The following SLC6A9 variants were observed in gnomAD, a reference collection of about 807,000 sequenced individuals.
SLC6A9 encodes solute carrier family 6 member 9.
Under a neutral mutation model 70.9 loss-of-function variants are expected in SLC6A9, and 31 were observed. That is an observed-to-expected ratio of 0.44 (90% CI 0.33 to 0.59). SLC6A9 has a LOEUF of 0.59. Ranked by LOEUF, SLC6A9 falls within the 20% of genes least tolerant of loss-of-function variation. The pLI is 0.04. For synonymous variants in SLC6A9, 310 were observed against 341.3 expected (o/e 0.91, Z 1.01); for missense variants, 631 against 845.2 (o/e 0.75, Z 3.14).
chr1:44,022,718 C>CTTTTTT (rs777966364), intron 2 of SLC6A9, among the ~76,000 whole-genome samples: 16 of 59,936 alleles, frequency 2.7e-4, no homozygotes, highest in Admixed American at 6.1e-4. Flanking sequence ...TTCTTTCTTT[C>CTTTTTT]TTTCTTTTTT....
chr1:44,010,053 C>T lies in SLC6A9; in HGVS notation c.231G>A (p.Gly77=). Residue 77 remains glycine (G), a synonymous_variant, in exon 4 of 14, where the codon GGG becomes GGA. Transcript: ENST00000372310. The part of the protein sequence containing the change: ...FPYFIMLIFC[G]IPLFFMELSF... ...AGAGCTCCATGAAGAAGAGGGGGAT[C>T]CCGCAGAAGATGAGCATGATGAAGT... 2.5e-6 allele frequency: 4 copies of T among 1,614,062 alleles called. No homozygotes were observed. Among genetic ancestry groups the T allele is most frequent in the Non-Finnish European group, 3.4e-6 (4 of 1,179,966 alleles).
chr1:44,018,636 T>TAAA lies in SLC6A9; in HGVS notation c.30+5609_30+5611dup, dbSNP rs869031878. 3.0e-5 allele frequency among the ~76,000 whole-genome samples: 4 copies of TAAA among 132,318 alleles called. No individual in the cohort carries two copies. The highest frequency in any genetic ancestry group is 1.1e-4 in the African/African-American group (4 of 36,966). 86.8% of individuals were successfully genotyped at this position (132,318 alleles called of 152,430 possible). On this transcript the variant is annotated intron_variant, in intron 2 of 13. Transcript: ENST00000372310. The surrounding 1 kb of genome is among the most constrained non-coding windows in gnomAD (Gnocchi z 4.2). ...ATAATAATAATAATAATAATAATAA[T>TAAA]AAATAAAAATAAAAAGACAGGTGGG...
rs71307650 is a variant in SLC6A9, at chr1:44,022,722, C to CTTTTTTTTTTTTTT, written c.30+1512_30+1525dup. ...TTTTTCTTTCTTTCTTTCTTTCTTT[C>CTTTTTTTTTTTTTT]TTTTTTTTTTTTTTGAGACAGAGCC... On this transcript the variant is annotated intron_variant, in intron 2 of 13. Coordinates refer to ENST00000372310, the MANE Select transcript of SLC6A9 (RefSeq NM_001024845.3). Among the ~76,000 whole-genome samples the CTTTTTTTTTTTTTT allele has an allele frequency of 9.2e-5, 11 of 118,956 alleles. 1 individual carries two copies. The highest frequency in any genetic ancestry group is 1.5e-4 in the Non-Finnish European group (9 of 60,486). 78.0% of individuals were successfully genotyped at this position (118,956 alleles called of 152,430 possible).
chr1:44,010,465 G>GGT (rs1187090251), intron 3 of SLC6A9: 1 of 231,840 alleles, frequency 4.3e-6, no homozygotes, highest in Non-Finnish European at 8.3e-6. Context: ...GCGGGGGGGG[G>GGT]GGGGGGTTAG....
chr1:44,002,555 A>C lies in SLC6A9; in HGVS notation c.815T>G (p.Met272Arg). ...GTCCCACTGCGGGGTTAGGTAGTACATGATGCCGTCAAAGGCTCCCTCCAG... is the reference window on the plus strand; with the variant it reads ...GTCCCACTGCGGGGTTAGGTAGTACCTGATGCCGTCAAAGGCTCCCTCCAG... ...VTLEGAFDGI[M>R]YYLTPQWDKI... Residue 272 changes from methionine to arginine, a missense_variant, in exon 7 of 14, where the codon ATG (methionine) becomes AGG (arginine). Physicochemically the swap from Met to Arg is moderately conservative, Grantham distance 91. Coordinates refer to ENST00000372310, the MANE Select transcript of SLC6A9 (RefSeq NM_001024845.3). The surrounding 1 kb of genome is among the most constrained non-coding windows in gnomAD (Gnocchi z 5.5). The C allele has an allele frequency of 6.2e-7, 1 of 1,614,070 alleles. No homozygotes were observed. Among genetic ancestry groups the C allele is most frequent in the Non-Finnish European group, 8.5e-7 (1 of 1,179,992 alleles).
intron 1 of SLC6A9, among the ~76,000 whole-genome samples, chr1:44,028,753 CAAAAGA>C (rs1313830811): frequency 2.9e-4 from 41 of 142,162 alleles, no homozygotes; most frequent in African/African-American, 7.6e-4. Flanking sequence ...AAAACTCCGT[CAAAAGA>C]AAAAGAAAAA....
chr1:44,022,011 C>T (rs1407538419), intron 2 of SLC6A9, among the ~76,000 whole-genome samples: 3 of 152,224 alleles, frequency 2.0e-5, no homozygotes, highest in East Asian at 1.9e-4. Flanking sequence ...GGGCCTCAAA[C>T]GCAGCAACAG....
chr1:44,021,346 G>A (rs574258450), intron 2 of SLC6A9, among the ~76,000 whole-genome samples: 1 of 152,328 alleles, frequency 6.6e-6, no homozygotes, highest in East Asian at 1.9e-4. Flanking sequence ...AGCTGGCCTG[G>A]CAGAGACCAT....
At chr1:44,019,834 G>A (rs1451648189) in intron 2 of SLC6A9, among the ~76,000 whole-genome samples, 1 of 152,230 alleles carries the variant, frequency 6.6e-6, no homozygotes, top group Non-Finnish European at 1.5e-5. Flanking sequence ...TGTCCCCTGT[G>A]ACTCTGGAGG....
chr1:44,030,732 A>T (rs2087095351), intron 1 of SLC6A9, among the ~76,000 whole-genome samples: 1 of 152,114 alleles, frequency 6.6e-6, no homozygotes, highest in South Asian at 2.1e-4. Context: ...GCGCACGGGC[A>T]CTGGAACCGG....
intron 1 of SLC6A9, among the ~76,000 whole-genome samples, chr1:44,024,892 C>G (rs1472215059): frequency 3.3e-5 from 5 of 152,236 alleles, no homozygotes; most frequent in Non-Finnish European, 1.5e-5. Context: ...TCCTTGCACT[C>G]CCAGCTGTCC....
Position 43,997,954 on chromosome 1 carries a change from G to A in SLC6A9, c.1608C>T (p.Ala536=), listed in dbSNP as rs575510500. Residue 536 remains alanine, a synonymous_variant, in exon 13 of 14, where the codon GCC becomes GCT. Transcript: ENST00000372310. This position sits in a 1 kb window ranked among gnomAD's most constrained non-coding sequence, Gnocchi z 4.4. ...TYNHYQYPGW[A]VAIGFLMALS... ...GAGCCATGAGGAAGCCAATGGCCAC[G>A]GCCCAGCCTGGGTACTGGTAGTGGT... 1.1e-5 allele frequency: 17 copies of A among 1,614,138 alleles called. No individual in the cohort carries two copies. Among genetic ancestry groups the A allele is most frequent in the South Asian group, 7.7e-5 (7 of 91,088 alleles).
At chr1:44,022,698 T>TTTTCTTTC (rs1178244275) in intron 2 of SLC6A9, among the ~76,000 whole-genome samples, 1 of 107,162 alleles carries the variant, frequency 9.3e-6, no homozygotes, top group East Asian at 2.4e-4. Context: ...GTTTTTTAAT[T>TTTTCTTTC]TTTCTTTCTT....
chr1:44,017,450 A>C, intron 2 of SLC6A9: 9 of 893,776 alleles, frequency 1.0e-5, no homozygotes, highest in Non-Finnish European at 1.2e-5. Flanking sequence ...CACTCCCCCC[A>C]CGGAGCTGAC....
chr1:44,016,826 C>T (rs2086761279), intron 2 of SLC6A9, among the ~76,000 whole-genome samples: 1 of 152,120 alleles, frequency 6.6e-6, no homozygotes, highest in Non-Finnish European at 1.5e-5. Context: ...CCTCACACCC[C>T]CACTCTCCTC....
intron 1 of SLC6A9, among the ~76,000 whole-genome samples, chr1:44,031,028 C>T (rs1197160657): frequency 1.3e-5 from 2 of 151,846 alleles, no homozygotes; most frequent in South Asian, 2.1e-4. Flanking sequence ...CCCCCACTTC[C>T]CTCTCCCTCC....
At chr1:44,026,549 C>T (rs2086986628) in intron 1 of SLC6A9, among the ~76,000 whole-genome samples, 1 of 151,902 alleles carries the variant, frequency 6.6e-6, no homozygotes, top group Non-Finnish European at 1.5e-5. Flanking sequence ...GTCCCAGCTA[C>T]TCGGGAGGCT....
In SLC6A9 at chr1:44,010,796, C is replaced by T. The variant is rs1333229984; in HGVS notation, c.117G>A (p.Thr39=). Residue 39 remains threonine, a synonymous_variant, in exon 3 of 14, where the codon ACG becomes ACA. Coordinates refer to ENST00000372310, the MANE Select transcript of SLC6A9 (RefSeq NM_001024845.3). ...CCAGGCCCACGGCATAGCCCACGCT[C>T]GTCAGTACAAACTCGATCTGGTTGC... is the stretch of plus-strand genomic sequence containing the variant. ...NWGNQIEFVL[T]SVGYAVGLGN... 22 of 1,614,108 alleles carry T rather than the reference C, an allele frequency of 1.4e-5. No individual in the cohort carries two copies. The highest frequency in any genetic ancestry group is 3.3e-5 in the South Asian group (3 of 91,092).
chr1:44,017,118 T>C, intron 2 of SLC6A9: 1 of 1,606,422 alleles, frequency 6.2e-7, no homozygotes. Context: ...GCAGCCCGCG[T>C]GTCTCCGCCG....
Sources: gnomAD v4.1 joint callset for allele counts (sites outside exome capture counted in the v4.1 genomes callset) on GRCh38, gnomAD v4.1.1 for gene constraint, Gnocchi (gnomAD v3.1) non-coding constraint, MANE v1.5 for transcripts, NCBI Gene and HGNC (gene_info 2026-07-23, HGNC 2026-07-21) for gene names.